The following TOGARAM2 variants were observed in gnomAD, a reference collection of about 807,000 sequenced individuals.
TOGARAM2 encodes the protein TOG array regulator of axonemal microtubules protein 2.
A neutral mutation model predicts 93.3 loss-of-function variants in TOGARAM2; 85 were observed. The ratio of observed to expected loss-of-function variants is 0.91; its 90% CI spans 0.76 to 1.09. The LOEUF is 1.09. Among genes scored for constraint, TOGARAM2 ranks in the 50% least tolerant of loss-of-function variants. The probability of loss-of-function intolerance (pLI) is 0.00; values close to 1 mark genes in which losing one functional copy is unlikely to be tolerated. For missense variants in TOGARAM2, 1,277 were observed against 1,334.5 expected (o/e 0.96, Z 0.67); for synonymous variants, 593 against 552.8 (o/e 1.07, Z -1.02).
chr2:29,017,931 G>T lies in TOGARAM2; in HGVS notation c.1335G>T (p.Glu445Asp), dbSNP rs371042957. Residue 445 changes from glutamate to aspartate, a missense_variant, in exon 10 of 20, where the codon GAG becomes GAT. Physicochemically the swap from Glu to Asp is conservative, Grantham distance 45 (BLOSUM62 2). Coordinates refer to ENST00000379558, the MANE Select transcript of TOGARAM2 (RefSeq NM_199280.4). ...CCAGCATCCCCATCAGCCGGCAGGA[G>T]CCCCGCTTTGCCCGCCACGCCTCAG... ...SLPSIPISRQ[E>D]PRFARHASAN... 14 of 1,604,100 alleles carry T rather than the reference G, an allele frequency of 8.7e-6. No homozygotes were observed. The highest frequency in any genetic ancestry group is 5.1e-5 in the Admixed American group (3 of 59,320).
chr2:29,017,073 C>T (rs759772875), intron 8 of TOGARAM2, 81 bp from the exon 9 acceptor site: 15 of 1,537,392 alleles, frequency 9.8e-6, no homozygotes, highest in Admixed American at 1.8e-5. Context: ...AATTGGCACA[C>T]AGTAGAAACA....
At chr2:28,970,466 G>A (rs1442905021) in intron 1 of TOGARAM2, among the ~76,000 whole-genome samples, 2 of 152,194 alleles carry the variant, frequency 1.3e-5, no homozygotes, top group Non-Finnish European at 2.9e-5. Context: ...ATAAGTGGTA[G>A]CTCTGATTGT....
Position 28,969,691 on chromosome 2 carries a change from C to A in TOGARAM2, c.-147+12994C>A, listed in dbSNP as rs149609810. Among the ~76,000 whole-genome samples, 225 of 152,276 alleles carry A rather than the reference C, an allele frequency of 1.5e-3. 1 individual carries two copies. Among genetic ancestry groups the A allele is most frequent in the Admixed American group, 3.1e-3 (48 of 15,284 alleles). On this transcript the variant is annotated intron_variant, in intron 1 of 6. Transcript: ENST00000401723. ...ATGAGAGAGAAGTTTCAGAAAGCCACCTTGGAATGAGAGATAACTCTTATA... is the reference window on the plus strand; with the variant it reads ...ATGAGAGAGAAGTTTCAGAAAGCCAACTTGGAATGAGAGATAACTCTTATA...
At chr2:29,015,004 T>C (rs1418948542) in intron 8 of TOGARAM2, among the ~76,000 whole-genome samples, 1 of 152,190 alleles carries the variant, frequency 6.6e-6, no homozygotes, top group East Asian at 1.9e-4. Flanking sequence ...CTCCAGGGAC[T>C]GGCGAATACC....
upstream of TOGARAM2, among the ~76,000 whole-genome samples, chr2:28,980,726 T>C (rs56280713): frequency 0.22 from 33,510 of 152,150 alleles, 4,447 homozygotes; most frequent in African/African-American, 0.37. Context: ...CCACAGGCTT[T>C]CTGCTCTGCA....
At chr2:28,957,851 C>T (rs950454174) in intron 1 of TOGARAM2, among the ~76,000 whole-genome samples, 1 of 152,026 alleles carries the variant, frequency 6.6e-6, no homozygotes, top group East Asian at 1.9e-4. Flanking sequence ...TTTTGCCACT[C>T]TCTCACAGCT....
chr2:29,017,871 C>T lies in TOGARAM2; in HGVS notation c.1275C>T (p.Ile425=). The T allele has an allele frequency of 1.2e-6, 2 of 1,613,526 alleles. No homozygotes were observed. Among genetic ancestry groups the T allele is most frequent in the Non-Finnish European group, 1.7e-6 (2 of 1,179,744 alleles). The part of the protein sequence containing the change: ...LSGPCRNDVS[I]ILRKWASRAS... The stretch of plus-strand genomic sequence containing the variant: ...GCCCATGCAGAAACGACGTCAGCAT[C>T]ATCCTGAGGAAGTGGGCCAGCCGGG... Residue 425 remains isoleucine, a synonymous_variant, in exon 10 of 20, where the codon ATC becomes ATT. Transcript: ENST00000379558.
intron 1 of TOGARAM2, among the ~76,000 whole-genome samples, chr2:28,960,066 C>T (rs142898691): frequency 1.5e-4 from 23 of 152,274 alleles, no homozygotes; most frequent in East Asian, 7.7e-4. Context: ...CCAAGTAATA[C>T]GCTATTGTAT....
At chr2:29,023,024 G>A in intron 11 of TOGARAM2, 62 bp from the exon 12 acceptor site, 2 of 1,466,292 alleles carry the variant, frequency 1.4e-6, no homozygotes, top group Non-Finnish European at 1.9e-6. Flanking sequence ...CCCCTAGTCT[G>A]CAGAGGGGTG....
At chr2:28,969,267 C>G (rs1394128533) in intron 1 of TOGARAM2, among the ~76,000 whole-genome samples, 1 of 152,162 alleles carries the variant, frequency 6.6e-6, no homozygotes, top group Non-Finnish European at 1.5e-5. Context: ...TGGTTTTAGC[C>G]ACATTGAAAT....
intron 2 of TOGARAM2, among the ~76,000 whole-genome samples, chr2:28,997,591 T>A (rs1673056861): frequency 6.6e-6 from 1 of 152,004 alleles, no homozygotes; most frequent in African/African-American, 2.4e-5. Context: ...CCGAGGGACG[T>A]TAGGAGAGAA....
At chr2:28,986,469 C>T (rs1456497598) in intron 1 of TOGARAM2, among the ~76,000 whole-genome samples, 3 of 152,162 alleles carry the variant, frequency 2.0e-5, no homozygotes, top group Non-Finnish European at 4.4e-5. Context: ...GGTTTCTGAC[C>T]ACTTCCTCTG....
intron 6 of TOGARAM2, among the ~76,000 whole-genome samples, chr2:29,006,087 GTGTGTGGGGTGCA>G (rs1663780635): frequency 1.4e-5 from 1 of 72,894 alleles, no homozygotes. Context: ...GCACGTGTGT[GTGTGTGGGGTGCA>G]TGTGTGTGGA....
In TOGARAM2 at chr2:29,027,932, G is replaced by A. The variant is rs1407307576; in HGVS notation, c.2012+921G>A. Among the ~76,000 whole-genome samples the A allele has an allele frequency of 3.9e-5, 6 of 152,176 alleles. No homozygotes were observed. In the South Asian group the frequency reaches 1.2e-3, roughly 31 times the overall value. On this transcript the variant is annotated intron_variant, in intron 14 of 19. Coordinates refer to ENST00000379558, the MANE Select transcript of TOGARAM2 (RefSeq NM_199280.4). The stretch of plus-strand genomic sequence containing the variant: ...GGGTGGGGGTGAGGGTGGGCAGCAG[G>A]CCCAGGTCAGAGACGTTCTCCTAGG...
chr2:29,008,121 ATTTTG>A (rs1431912970), intron 6 of TOGARAM2, among the ~76,000 whole-genome samples: 3 of 150,830 alleles, frequency 2.0e-5, no homozygotes, highest in Non-Finnish European at 1.5e-5. Context: ...TTGTTTATTT[ATTTTG>A]TTTTATTTAT....
intron 18 of TOGARAM2, among the ~76,000 whole-genome samples, chr2:29,045,001 T>TCTAC (rs1300246704): frequency 1.3e-5 from 2 of 152,114 alleles, no homozygotes; most frequent in Admixed American, 6.5e-5. Context: ...CTGTCATCTA[T>TCTAC]CTACCTACCT....
At position 28,998,241 on chromosome 2, in the gene TOGARAM2, C is replaced by A. The variant is rs1466627295; in HGVS notation, c.127C>A (p.Pro43Thr). The change falls in exon 3 of 20, where the codon CCT becomes ACT. Residue 43 changes from proline to threonine, a missense_variant. Coordinates refer to ENST00000379558, the MANE Select transcript of TOGARAM2 (RefSeq NM_199280.4). ...GCCTGGAAGCATCAACTCCAGTCTGCCTCATGGAGAAGGTGAGATGGGAAG... is the reference window on the plus strand; with the variant it reads ...GCCTGGAAGCATCAACTCCAGTCTGACTCATGGAGAAGGTGAGATGGGAAG... ...LPPGSINSSL[P>T]HGEGSLQPEP... 1 of 1,610,886 alleles carries A rather than the reference C, an allele frequency of 6.2e-7. No homozygotes were observed. The highest frequency in any genetic ancestry group is 8.5e-7 in the Non-Finnish European group (1 of 1,178,560).
intron 1 of TOGARAM2, among the ~76,000 whole-genome samples, chr2:28,986,454 C>G (rs1672474714): frequency 6.6e-6 from 1 of 152,174 alleles, no homozygotes. Flanking sequence ...GGAAGTGCTG[C>G]TTTGGGTTTC....
upstream of TOGARAM2, among the ~76,000 whole-genome samples, chr2:28,978,159 G>A (rs993785035): frequency 6.6e-6 from 1 of 152,160 alleles, no homozygotes; most frequent in African/African-American, 2.4e-5. Context: ...TGCCTGCTTT[G>A]GCCTCCTAAA....
Sources: allele counts gnomAD v4.1 joint callset (sites outside exome capture counted in the v4.1 genomes callset), GRCh38; gene constraint gnomAD v4.1.1; transcripts MANE v1.5; gene names NCBI Gene and HGNC (gene_info 2026-07-23, HGNC 2026-07-21).